Variants in MAS1 observed in about 807,000 individuals in gnomAD.
The protein encoded by MAS1 is proto-oncogene Mas.
For missense variants in MAS1, 387 were observed against 409.7 expected, an observed-to-expected ratio of 0.94 and a Z score of 0.48; for synonymous variants, 163 against 164.2, an observed-to-expected ratio of 0.99 and a Z score of 0.05.
chr6:159,901,538 G>T (rs1017829020), intron 2 of MAS1, among the ~76,000 whole-genome samples: 4 of 152,176 alleles, frequency 2.6e-5, no homozygotes, highest in Admixed American at 6.5e-5. Flanking sequence ...ATTTGAAGCT[G>T]CAGTGAGCTA....
At chr6:159,900,538 C>T (rs546098825) in intron 2 of MAS1, among the ~76,000 whole-genome samples, 1 of 152,238 alleles carries the variant, frequency 6.6e-6, no homozygotes. Context: ...AATAGAACCC[C>T]GCTATAAAAA....
At position 159,913,099 on chromosome 6, in the gene MAS1, A is replaced by G. The variant is rs999056375; in HGVS notation, c.*5166A>G. ...AAAAATTGGCTGGGTACGGTGGCTC[A>G]TGCCTGTAATCCCAGCACTTTGGGA... On this transcript the variant is annotated 3_prime_UTR_variant, in exon 3 of 3. Transcript: ENST00000674077. 24 of 152,246 alleles carry G rather than the reference A, an allele frequency of 1.6e-4. 2 individuals carry two copies. The highest frequency in any genetic ancestry group is 8.8e-5 in the Non-Finnish European group (6 of 68,050). 9.4% of individuals were successfully genotyped at this position (152,246 alleles called of 1,614,324 possible). A position where few individuals can be genotyped will look rare whatever the true frequency, so the allele number is the denominator to read the frequency against.
In MAS1 at chr6:159,912,740, C is replaced by A. The variant is rs1388900076; in HGVS notation, c.*4807C>A. The A allele has an allele frequency of 6.6e-6, 1 of 152,180 alleles. No homozygotes were observed. Among genetic ancestry groups the A allele is most frequent in the Non-Finnish European group, 1.5e-5 (1 of 68,050 alleles). 9.4% of individuals were successfully genotyped at this position (152,180 alleles called of 1,614,324 possible). On this transcript the variant is annotated 3_prime_UTR_variant, in exon 3 of 3. Coordinates refer to ENST00000674077, the MANE Select transcript of MAS1 (RefSeq NM_002377.4). ...AGTTTTGTGGATCAGTCTTGTGATG[C>A]CTGAGAGTCAATGTGCAAACTGTCC... is the stretch of plus-strand genomic sequence containing the variant.
chr6:159,891,859 C>G (rs1192936684), intron 1 of MAS1, among the ~76,000 whole-genome samples: 1 of 152,132 alleles, frequency 6.6e-6, no homozygotes, highest in Non-Finnish European at 1.5e-5. Flanking sequence ...AAGAAGCTGG[C>G]CTCTAGCAGA....
intron 2 of MAS1, among the ~76,000 whole-genome samples, chr6:159,905,796 CT>C (rs1782878460): frequency 4.6e-5 from 7 of 152,186 alleles, no homozygotes. Context: ...AATCCCAGCA[CT>C]TTGGGAGGCT....
At chr6:159,894,861 AC>A (rs1230973097) in intron 1 of MAS1, among the ~76,000 whole-genome samples, 1 of 152,230 alleles carries the variant, frequency 6.6e-6, no homozygotes, top group African/African-American at 2.4e-5. Context: ...ACTCTGTTTC[AC>A]AGAAGAAAGT....
intron 2 of MAS1, among the ~76,000 whole-genome samples, chr6:159,905,924 C>T (rs1404669348): frequency 1.3e-5 from 2 of 152,028 alleles, no homozygotes; most frequent in Non-Finnish European, 2.9e-5. Context: ...CGCCTGTAGT[C>T]CCAGCTACTC....
intron 1 of MAS1, among the ~76,000 whole-genome samples, chr6:159,898,716 T>TCCTCCTCCTC (rs1782790720): frequency 7.6e-6 from 1 of 132,112 alleles, no homozygotes; most frequent in Non-Finnish European, 1.6e-5. Context: ...TCCTCCCTCT[T>TCCTCCTCCTC]CCTCCTCCTC....
chr6:159,894,486 G>A (rs1782733225), intron 1 of MAS1, among the ~76,000 whole-genome samples: 1 of 151,068 alleles, frequency 6.6e-6, no homozygotes, highest in African/African-American at 2.4e-5. Flanking sequence ...AGTGTAAGAA[G>A]AGATCCAGCG....
chr6:159,904,140 C>G (rs1782854124), intron 2 of MAS1, among the ~76,000 whole-genome samples: 1 of 152,068 alleles, frequency 6.6e-6, no homozygotes, highest in Non-Finnish European at 1.5e-5. Context: ...TCCTCTCCTT[C>G]TTCCTCCTCA....
intron 2 of MAS1, among the ~76,000 whole-genome samples, chr6:159,901,536 CT>C (rs1782822342): frequency 1.3e-5 from 2 of 152,258 alleles, no homozygotes; most frequent in South Asian, 4.1e-4. Flanking sequence ...GCATTTGAAG[CT>C]GCAGTGAGCT....
At chr6:159,890,336 G>T (rs1296136424), upstream of MAS1, among the ~76,000 whole-genome samples, 1 of 152,234 alleles carries the variant, frequency 6.6e-6, no homozygotes, top group Non-Finnish European at 1.5e-5. Flanking sequence ...ACGGGTGAGA[G>T]TTGGCATCTA....
rs1281609991 is a variant in MAS1, at chr6:159,916,442, A to C, written c.*8509A>C. 6.6e-6 allele frequency: 1 copy of C among 152,236 alleles called. No homozygotes were observed. Among genetic ancestry groups the C allele is most frequent in the Non-Finnish European group, 1.5e-5 (1 of 68,040 alleles). The allele number at this position is 152,236 out of a possible 1,614,324, so 9.4% of individuals were successfully genotyped here. ...ATTGCACAACAATGGACATGTAGCT[A>C]ACCCCACTGTACTGTATTCTTAAAA... is the stretch of plus-strand genomic sequence containing the variant. On this transcript the variant is annotated 3_prime_UTR_variant, in exon 3 of 3. Transcript: ENST00000674077.
chr6:159,889,153 C>T (rs1267442479), upstream of MAS1, among the ~76,000 whole-genome samples: 2 of 152,214 alleles, frequency 1.3e-5, no homozygotes, highest in Admixed American at 6.5e-5. Flanking sequence ...GCCACCCTGG[C>T]TTCCTGGCGG....
intron 1 of MAS1, among the ~76,000 whole-genome samples, chr6:159,897,979 G>A (rs369607943): frequency 1.3e-5 from 2 of 151,818 alleles, no homozygotes; most frequent in African/African-American, 4.8e-5. Flanking sequence ...TGCATCCTCT[G>A]TCTCCGGGGT....
Position 159,896,960 on chromosome 6 carries a change from G to A in MAS1, c.-243-2226G>A, listed in dbSNP as rs569222164. Among the ~76,000 whole-genome samples the A allele has an allele frequency of 9.7e-4, 148 of 152,106 alleles. 1 individual carries two copies. The highest frequency in any genetic ancestry group is 3.2e-3 in the African/African-American group (131 of 41,464). On this transcript the variant is annotated intron_variant, in intron 1 of 2. Coordinates refer to ENST00000674077, the MANE Select transcript of MAS1 (RefSeq NM_002377.4). ...TCGTTCTTGGCTCACTGCAAGCTCCGCCTCTCGGGTTCACGCCATTCTCCT... is the reference window on the plus strand; with the variant it reads ...TCGTTCTTGGCTCACTGCAAGCTCCACCTCTCGGGTTCACGCCATTCTCCT...
chr6:159,905,008 T>A (rs9365112), intron 2 of MAS1, among the ~76,000 whole-genome samples: 1 of 152,342 alleles, frequency 6.6e-6, no homozygotes, highest in East Asian at 1.9e-4. Flanking sequence ...CATCACACTA[T>A]GGACGATGGA....
Position 159,908,110 on chromosome 6 carries a change from C to A in MAS1, c.*177C>A. On this transcript the variant is annotated 3_prime_UTR_variant, in exon 3 of 3. Transcript: ENST00000674077. ...TTGTACTGTATCTTCTGGAAATGAC[C>A]TGTCATTTCTGTACTTGACAAAGAC... 1 of 586,796 alleles carries A rather than the reference C, an allele frequency of 1.7e-6. No homozygotes were observed. Among genetic ancestry groups the A allele is most frequent in the Non-Finnish European group, 2.7e-6 (1 of 364,232 alleles). The allele number at this position is 586,796 out of a possible 1,614,324, so 36.3% of individuals were successfully genotyped here. A position where few individuals can be genotyped will look rare whatever the true frequency, so the allele number is the denominator to read the frequency against.
At chr6:159,903,592 C>G (rs969322601) in intron 2 of MAS1, among the ~76,000 whole-genome samples, 11 of 152,136 alleles carry the variant, frequency 7.2e-5, no homozygotes, top group African/African-American at 2.7e-4. Context: ...CCTTACTTTA[C>G]TGTAAAAGAG....
Sources: gnomAD v4.1 joint callset for allele counts (sites outside exome capture counted in the v4.1 genomes callset) on GRCh38, gnomAD v4.1.1 for gene constraint, MANE v1.5 for transcripts, NCBI Gene and HGNC (gene_info 2026-07-23, HGNC 2026-07-21) for gene names.